Variants in PLIN4 observed in about 807,000 individuals in gnomAD.
The protein encoded by PLIN4 is perilipin 4.
Under a neutral mutation model 52.4 loss-of-function variants are expected in PLIN4, and 57 were observed. The observed-to-expected ratio is 1.09, with a 90% CI of 0.88 to 1.36. The LOEUF is 1.36. Ranked by LOEUF, PLIN4 falls within the 40% of genes most tolerant of loss-of-function variation. The pLI, the probability that PLIN4 is intolerant of heterozygous loss-of-function variation, is 0.00. For missense variants in PLIN4, 1,757 were observed against 1,770.3 expected (o/e 0.99, Z 0.13); for synonymous variants, 826 against 785.4 (o/e 1.05, Z -0.86).
chr19:4,506,452 G>A (rs1976096372), intron 6 of PLIN4, among the ~76,000 whole-genome samples: 1 of 152,206 alleles, frequency 6.6e-6, no homozygotes, highest in Non-Finnish European at 1.5e-5. Context: ...CCTGGTACAT[G>A]TTCCATTTTC....
At chr19:4,513,860 G>A (rs1187276933) in intron 4 of PLIN4, among the ~76,000 whole-genome samples, 159 bp from the exon 5 acceptor site, 2 of 152,144 alleles carry the variant, frequency 1.3e-5, no homozygotes, top group Non-Finnish European at 2.9e-5. Flanking sequence ...TCCTCACCCC[G>A]ACCCCGGTCA....
chr19:4,508,321 A>G (rs539268938), intron 6 of PLIN4, among the ~76,000 whole-genome samples: 1 of 152,246 alleles, frequency 6.6e-6, no homozygotes, highest in East Asian at 1.9e-4. Flanking sequence ...CAGTGGCACC[A>G]TCTTGGCTCA....
At position 4,516,623 on chromosome 19, in the gene PLIN4, C is replaced by T. The variant is rs372127458; in HGVS notation, c.252G>A (p.Ser84=). ...GCCCTGCACATCCTCTCACCTTTTC[C>T]GAAGGTTGCAGCTCCTTCTCCGTCC... ...APWTEKELQP[S]EKMVSGAKDL... Residue 84 remains serine (S), a synonymous_variant, in exon 4 of 8, where the codon TCG becomes TCA. Coordinates refer to ENST00000301286, the MANE Select transcript of PLIN4 (RefSeq NM_001367868.2). 1.7e-4 allele frequency: 270 copies of T among 1,604,014 alleles called. No individual in the cohort carries two copies. Among genetic ancestry groups the T allele is most frequent in the East Asian group, 3.6e-4 (16 of 44,428 alleles).
intron 6 of PLIN4, 56 bp from the exon 7 acceptor site, chr19:4,505,003 A>C (rs1288494810): frequency 6.8e-7 from 1 of 1,475,528 alleles, no homozygotes; most frequent in Non-Finnish European, 9.2e-7. Context: ...ACCTTTCACA[A>C]CCCCCACCTC....
Position 4,513,391 on chromosome 19 carries a change from C to A in PLIN4, c.569G>T (p.Gly190Val). The A allele has an allele frequency of 6.2e-7, 1 of 1,613,642 alleles. No homozygotes were observed. The highest frequency in any genetic ancestry group is 8.5e-7 in the Non-Finnish European group (1 of 1,179,884). Residue 190 changes from glycine to valine, a missense_variant, in exon 5 of 8, where the codon GGT (glycine) becomes GTT (valine). Coordinates refer to ENST00000301286, the MANE Select transcript of PLIN4 (RefSeq NM_001367868.2). ...VNVAKGTVQA[G>V]VDTTKTVLTG... ...CAGCACAGTCTTGGTGGTGTCCACACCGGCCTGTACGGTCCCTTTGGCCAC... is the reference window on the plus strand; with the variant it reads ...CAGCACAGTCTTGGTGGTGTCCACAACGGCCTGTACGGTCCCTTTGGCCAC...
chr19:4,505,567 G>GT (rs955312747), intron 6 of PLIN4, among the ~76,000 whole-genome samples: 1 of 152,164 alleles, frequency 6.6e-6, no homozygotes, highest in Non-Finnish European at 1.5e-5. Flanking sequence ...TTGACTTGGT[G>GT]TTTATCCGCC....
intron 5 of PLIN4, 40 bp downstream of exon 5, chr19:4,510,406 T>C (rs1976254934): frequency 7.3e-7 from 1 of 1,368,462 alleles, no homozygotes; most frequent in Non-Finnish European, 9.5e-7. Flanking sequence ...CTAGCAGCTG[T>C]GCCTGCCTCA....
Position 4,511,243 on chromosome 19 carries a change from A to G in PLIN4, c.2717T>C (p.Val906Ala), listed in dbSNP as rs374303415. 1.6e-5 allele frequency: 26 copies of G among 1,610,990 alleles called. No homozygotes were observed. In the African/African-American group the frequency reaches 3.3e-4, roughly 21 times the overall value. ...CTGGACAGTCCCTTTGGCCAAGTTC[A>G]CAGCCCCTGTGAGCCCAGTGGACAC... ...DAVSTGLTGA[V>A]NLAKGTVQTG... The change falls in exon 5 of 8, where the codon GTG becomes GCG. Residue 906 changes from valine to alanine, a missense_variant. By Grantham distance (64) the Val-to-Ala change is moderately conservative. Coordinates refer to ENST00000301286, the MANE Select transcript of PLIN4 (RefSeq NM_001367868.2).
rs765153235 is a variant in PLIN4, at chr19:4,504,950, G to GGA, written c.3703-5_3703-4dup. ...GGAGCCTGCTGGGCCTTTTCAATCT[G>GGA]GAGAGAGAGTACAGTGGGGAAATGA... is the stretch of plus-strand genomic sequence containing the variant. On this transcript the variant is annotated splice_polypyrimidine_tract_variant and splice_region_variant and intron_variant, in intron 6 of 7. Coordinates refer to ENST00000301286, the MANE Select transcript of PLIN4 (RefSeq NM_001367868.2). The GGA allele has an allele frequency of 8.1e-6, 13 of 1,599,666 alleles. No individual in the cohort carries two copies. The Admixed American group carries it at 1.7e-4, about 21-fold the overall frequency.
At chr19:4,506,086 GCC>G (rs1976084775) in intron 6 of PLIN4, among the ~76,000 whole-genome samples, 1 of 152,056 alleles carries the variant, frequency 6.6e-6, no homozygotes, top group South Asian at 2.1e-4. Flanking sequence ...TCTGGCCCTC[GCC>G]CCCACCCGGT....
chr19:4,515,050 C>T (rs934979688), intron 4 of PLIN4, among the ~76,000 whole-genome samples: 3 of 151,242 alleles, frequency 2.0e-5, no homozygotes, highest in African/African-American at 7.3e-5. Context: ...GTGGCAGGCA[C>T]CTGTAATCCC....
At chr19:4,517,486 C>CG in intron 3 of PLIN4, 68 bp downstream of exon 3, 1 of 1,531,226 alleles carries the variant, frequency 6.5e-7, no homozygotes, top group Non-Finnish European at 8.8e-7. Context: ...AGTCCCTGCC[C>CG]GGGGAGCTCC....
chr19:4,511,966 T>G lies in PLIN4; in HGVS notation c.1994A>C (p.Asn665Thr). The change falls in exon 5 of 8, where the codon AAC becomes ACC. Residue 665 changes from asparagine (N) to threonine (T), a missense_variant. Around this residue, in one of 7 missense-constraint regions of PLIN4, gnomAD observed 439 missense variants for 406.4 expected, o/e 1.08. Coordinates refer to ENST00000301286, the MANE Select transcript of PLIN4 (RefSeq NM_001367868.2). ...ACTGGTCACCCCACTGCCAAAGGTG[T>G]TCTTTGTACCTGTCGCGATATTTTG... is the stretch of plus-strand genomic sequence containing the variant. ...TTQNIATGTK[N>T]TFGSGVTSAV... is the part of the protein sequence containing the mutation. The G allele has an allele frequency of 6.2e-7, 1 of 1,603,018 alleles. No homozygotes were observed. The highest frequency in any genetic ancestry group is 8.5e-7 in the Non-Finnish European group (1 of 1,173,806).
At position 4,504,414 on chromosome 19, in the gene PLIN4, G is replaced by A. The variant is rs1423515053; in HGVS notation, c.*45C>T. On this transcript the variant is annotated 3_prime_UTR_variant, in exon 8 of 8. Coordinates refer to ENST00000301286, the MANE Select transcript of PLIN4 (RefSeq NM_001367868.2). The stretch of plus-strand genomic sequence containing the variant: ...GAAAGTTCTGAGGCAGCTCCTCCCT[G>A]GACAGAGCAGGGCGACCCCGCGCCG... The A allele has an allele frequency of 1.4e-6, 2 of 1,458,242 alleles. No individual in the cohort carries two copies. Among genetic ancestry groups the A allele is most frequent in the Non-Finnish European group, 1.8e-6 (2 of 1,100,314 alleles). 90.3% of individuals were successfully genotyped at this position (1,458,242 alleles called of 1,614,324 possible).
rs368972260 is a variant in PLIN4, at chr19:4,510,672, C to T, written c.3288G>A (p.Pro1096=). The T allele has an allele frequency of 6.8e-5, 103 of 1,519,932 alleles. No individual in the cohort carries two copies. Among genetic ancestry groups the T allele is most frequent in the African/African-American group, 6.7e-4 (48 of 71,976 alleles). 94.2% of individuals were successfully genotyped at this position (1,519,932 alleles called of 1,614,324 possible). A position where few individuals can be genotyped will look rare whatever the true frequency, so the allele number is the denominator to read the frequency against. Residue 1096 remains proline, a synonymous_variant, in exon 5 of 8, where the codon CCG becomes CCA. Transcript: ENST00000301286. ...EAPFSGISTP[P]DVLSVGPEPA... ...GCTCCGGGCCTACACTGAGCACATC[C>T]GGGGGCGTGGAGATGCCAGAGAACG... is the stretch of plus-strand genomic sequence containing the variant.
At position 4,516,598 on chromosome 19, in the gene PLIN4, G is replaced by A; in HGVS notation, c.258+19C>T. On this transcript the variant is annotated intron_variant, in intron 4 of 7. Coordinates refer to ENST00000301286, the MANE Select transcript of PLIN4 (RefSeq NM_001367868.2). ...CAGGGCTCCTGCCACATCAGACCCT[G>A]CCCTGCACATCCTCTCACCTTTTCC... 1 of 1,597,240 alleles carries A rather than the reference G, an allele frequency of 6.3e-7. No homozygotes were observed.
At chr19:4,514,168 C>A (rs1038613244) in intron 4 of PLIN4, among the ~76,000 whole-genome samples, 6 of 152,164 alleles carry the variant, frequency 3.9e-5, no homozygotes, top group African/African-American at 1.4e-4. Flanking sequence ...TCATTATATC[C>A]AGGCTGGGTG....
At chr19:4,510,049 C>G (rs1976237799) in intron 5 of PLIN4, among the ~76,000 whole-genome samples, 1 of 140,492 alleles carries the variant, frequency 7.1e-6, no homozygotes, top group Non-Finnish European at 1.5e-5. Context: ...TGAAACAAAC[C>G]AAATAAATAC....
Position 4,513,400 on chromosome 19 carries a change from A to G in PLIN4, c.560T>C (p.Val187Ala), listed in dbSNP as rs963699759. The change falls in exon 5 of 8, where the codon GTA becomes GCA. Residue 187 changes from valine to alanine, a missense_variant. Physicochemically the swap from Val to Ala is moderately conservative, Grantham distance 64. Coordinates refer to ENST00000301286, the MANE Select transcript of PLIN4 (RefSeq NM_001367868.2). ...TGAVNVAKGT[V>A]QAGVDTTKTV... ...CTTGGTGGTGTCCACACCGGCCTGT[A>G]CGGTCCCTTTGGCCACATTCACTGC... 6.8e-6 allele frequency: 11 copies of G among 1,613,552 alleles called. No individual in the cohort carries two copies. Among genetic ancestry groups the G allele is most frequent in the Non-Finnish European group, 9.3e-6 (11 of 1,179,864 alleles).
Sources: gnomAD v4.1 joint callset for allele counts (sites outside exome capture counted in the v4.1 genomes callset) on GRCh38, gnomAD v4.1.1 for gene constraint, gnomAD v4.1.1 regional missense constraint, MANE v1.5 for transcripts, NCBI Gene and HGNC (gene_info 2026-07-23, HGNC 2026-07-21) for gene names.